The following LRIF1 variants were observed in gnomAD, a reference collection of about 807,000 sequenced individuals.
LRIF1 encodes ligand-dependent nuclear receptor-interacting factor 1.
In LRIF1, 32 loss-of-function variants were observed where a neutral mutation model predicts 52.7. The observed-to-expected ratio is 0.61, with a 90% CI of 0.46 to 0.82. The LOEUF is 0.82. Ranked by LOEUF, LRIF1 falls within the 40% of genes least tolerant of loss-of-function variation. The pLI is 0.00. For missense variants in LRIF1, 887 were observed against 892.0 expected (o/e 0.99, Z 0.07); for synonymous variants, 323 against 317.4 (o/e 1.02, Z -0.19).
the LRIF1 span, among the ~76,000 whole-genome samples, chr1:110,934,057 G>A: frequency 6.6e-6 from 1 of 152,168 alleles, no homozygotes; most frequent in East Asian, 1.9e-4. Flanking sequence ...CCAGACCCTA[G>A]CTCCTGGATG....
the LRIF1 span, among the ~76,000 whole-genome samples, chr1:110,889,686 G>A: frequency 3.3e-5 from 5 of 152,076 alleles, no homozygotes; most frequent in Admixed American, 2.6e-4. Flanking sequence ...CACCCTATAA[G>A]GGATAAGTGT....
the LRIF1 span, among the ~76,000 whole-genome samples, chr1:110,901,397 C>T: frequency 2.0e-5 from 3 of 151,344 alleles, no homozygotes; most frequent in East Asian, 1.9e-4. Context: ...AGGCTGGTCC[C>T]GAACTCCTGA....
At chr1:110,948,444 G>A (rs1488651446) in intron 3 of LRIF1, 45 bp from the exon 4 acceptor site, 1 of 1,553,374 alleles carries the variant, frequency 6.4e-7, no homozygotes. Context: ...AAATGTTACT[G>A]CTAAATGCAC....
intron 1 of LRIF1, among the ~76,000 whole-genome samples, chr1:110,954,143 A>G (rs961927908): frequency 6.6e-6 from 1 of 152,234 alleles, no homozygotes; most frequent in Non-Finnish European, 1.5e-5. Context: ...GGTATTAATA[A>G]AAATCAATAC....
the LRIF1 span, chr1:110,897,878 G>A: frequency 1.2e-6 from 2 of 1,605,876 alleles, no homozygotes; most frequent in Non-Finnish European, 1.7e-6. Flanking sequence ...CACCATCTGT[G>A]TATGTGTGAT....
chr1:110,959,002 A>G (rs1001589221), intron 1 of LRIF1, among the ~76,000 whole-genome samples: 3 of 152,218 alleles, frequency 2.0e-5, no homozygotes, highest in Non-Finnish European at 2.9e-5. Context: ...GGAGCCTTCC[A>G]TTGAAGAGAT....
At chr1:110,897,567 G>A in the LRIF1 span, 2 of 338,964 alleles carry the variant, frequency 5.9e-6, no homozygotes, top group South Asian at 6.4e-5. Flanking sequence ...AACTCAGCGG[G>A]TAAGGATCTA....
the LRIF1 span, among the ~76,000 whole-genome samples, chr1:110,904,587 C>T: frequency 3.3e-5 from 5 of 152,190 alleles, no homozygotes; most frequent in Non-Finnish European, 4.4e-5. Context: ...TTACTGAGCT[C>T]GAGGTGCCCC....
At chr1:110,958,561 A>G (rs911860414) in intron 1 of LRIF1, among the ~76,000 whole-genome samples, 4 of 152,166 alleles carry the variant, frequency 2.6e-5, no homozygotes, top group Non-Finnish European at 1.5e-5. Context: ...AGTATTTTAT[A>G]TGATGTCTAT....
the LRIF1 span, among the ~76,000 whole-genome samples, chr1:110,912,305 G>C: frequency 6.6e-6 from 1 of 152,008 alleles, no homozygotes; most frequent in African/African-American, 2.4e-5. Context: ...TCCACCTACT[G>C]GGTTCAAGCG....
At chr1:110,878,780 G>A in the LRIF1 span, among the ~76,000 whole-genome samples, 65 of 151,992 alleles carry the variant, frequency 4.3e-4, no homozygotes, top group Non-Finnish European at 2.5e-4. Context: ...TTTATTGCTG[G>A]GATTTTCCAA....
chr1:110,916,638 C>T, the LRIF1 span, among the ~76,000 whole-genome samples: 1 of 152,078 alleles, frequency 6.6e-6, no homozygotes, highest in East Asian at 1.9e-4. Flanking sequence ...ACAAAACTTG[C>T]CCCAAACTGT....
At chr1:110,914,525 G>A in the LRIF1 span, among the ~76,000 whole-genome samples, 11 of 152,104 alleles carry the variant, frequency 7.2e-5, no homozygotes, top group Admixed American at 2.6e-4. Flanking sequence ...AGGCTAAGGT[G>A]GGTGGATCAT....
the LRIF1 span, chr1:110,939,961 C>T: frequency 6.6e-6 from 1 of 152,116 alleles, no homozygotes; most frequent in Non-Finnish European, 1.5e-5. Context: ...CAAACACAGA[C>T]AACCAAAGCA....
intron 3 of LRIF1, 70 bp from the exon 4 acceptor site, chr1:110,948,469 C>T (rs1570938203): frequency 1.3e-6 from 2 of 1,493,096 alleles, no homozygotes; most frequent in East Asian, 2.4e-5. Context: ...TACTACCAAA[C>T]TTAACAACGT....
intron 1 of LRIF1, 146 bp downstream of exon 1, chr1:110,963,475 C>CGG (rs1659052436): frequency 3.4e-6 from 2 of 580,896 alleles, no homozygotes; most frequent in Non-Finnish European, 6.0e-6. Context: ...TTAAGCGCCG[C>CGG]GGAGACAAGC....
chr1:110,875,890 G>A, the LRIF1 span, among the ~76,000 whole-genome samples: 2 of 152,196 alleles, frequency 1.3e-5, no homozygotes, highest in African/African-American at 4.8e-5. Context: ...GTAAAGGCCA[G>A]GAATCTCTAT....
chr1:110,896,554 A>T, the LRIF1 span: 1 of 1,070,440 alleles, frequency 9.3e-7, no homozygotes, highest in Non-Finnish European at 1.4e-6. Flanking sequence ...CTTCTGCTAT[A>T]GAGTCAGATC....
chr1:110,918,020 T>G, the LRIF1 span, among the ~76,000 whole-genome samples: 15 of 152,182 alleles, frequency 9.9e-5, no homozygotes, highest in Admixed American at 3.9e-4. Flanking sequence ...TCTTAATATA[T>G]CAAAATGCAC....
Sources: gnomAD v4.1 joint callset for allele counts (sites outside exome capture counted in the v4.1 genomes callset) on GRCh38, gnomAD v4.1.1 for gene constraint, MANE v1.5 for transcripts, NCBI Gene and HGNC (gene_info 2026-07-23, HGNC 2026-07-21) for gene names.